Variants in PHACTR1 observed in about 807,000 individuals in gnomAD.
PHACTR1 encodes the protein phosphatase and actin regulator 1.
PHACTR1 carries 16 observed loss-of-function variants against 69.2 expected under a neutral mutation model. The observed-to-expected ratio is 0.23, with a 90% CI of 0.16 to 0.35. PHACTR1 has a LOEUF of 0.35. PHACTR1 is among the 10% of genes least tolerant of loss of function. The probability of loss-of-function intolerance (pLI) is 1.00; values close to 1 mark genes in which losing one functional copy is unlikely to be tolerated. For synonymous variants in PHACTR1, 312 were observed against 284.5 expected (o/e 1.10, Z -0.97); for missense variants, 510 against 734.7 (o/e 0.69, Z 3.54).
intron 6 of PHACTR1, among the ~76,000 whole-genome samples, chr6:13,178,734 G>C (rs1451177712): frequency 6.6e-6 from 1 of 152,192 alleles, no homozygotes; most frequent in African/African-American, 2.4e-5. Flanking sequence ...CATTATCACA[G>C]ATGACTTTAG....
intron 8 of PHACTR1, among the ~76,000 whole-genome samples, chr6:13,218,621 A>AC (rs887995130): frequency 1.3e-5 from 2 of 152,034 alleles, no homozygotes; most frequent in East Asian, 3.9e-4. Context: ...GGAGTTTGAG[A>AC]CCAGTCTGGC....
chr6:12,938,988 G>T (rs982749568), intron 4 of PHACTR1, among the ~76,000 whole-genome samples: 2 of 152,114 alleles, frequency 1.3e-5, no homozygotes, highest in Non-Finnish European at 2.9e-5. Flanking sequence ...TCCAGTTTTT[G>T]ACTATTACAA....
chr6:13,098,140 G>A (rs1177570106), intron 5 of PHACTR1, among the ~76,000 whole-genome samples: 2 of 152,122 alleles, frequency 1.3e-5, no homozygotes, highest in African/African-American at 2.4e-5. Flanking sequence ...CTGGCTACTA[G>A]TAGTTTCACC....
At chr6:13,187,691 G>A (rs370272855) in intron 7 of PHACTR1, among the ~76,000 whole-genome samples, 92 of 152,316 alleles carry the variant, frequency 6.0e-4, no homozygotes, top group African/African-American at 2.2e-3. Flanking sequence ...ACCAAGGCTA[G>A]CTCTAGGCCA....
chr6:12,970,479 G>A (rs570429205), intron 4 of PHACTR1, among the ~76,000 whole-genome samples: 2 of 152,202 alleles, frequency 1.3e-5, no homozygotes, highest in South Asian at 2.1e-4. Flanking sequence ...CCACCAAAAA[G>A]CCATTCTTGG....
intron 4 of PHACTR1, among the ~76,000 whole-genome samples, chr6:13,008,520 A>C (rs1799079880): frequency 6.6e-6 from 1 of 152,222 alleles, no homozygotes. Context: ...ATCAAATATG[A>C]GACAGCCTGG....
chr6:12,755,831 C>G (rs1297999209), intron 4 of PHACTR1, among the ~76,000 whole-genome samples: 3 of 152,108 alleles, frequency 2.0e-5, no homozygotes, highest in African/African-American at 7.2e-5. Flanking sequence ...TTCCCCTTTA[C>G]CCTTTTAGAT....
chr6:12,939,672 C>A (rs1394868578), intron 4 of PHACTR1, among the ~76,000 whole-genome samples: 2 of 152,066 alleles, frequency 1.3e-5, no homozygotes, highest in African/African-American at 4.8e-5. Context: ...CTGCAAGCAA[C>A]CTAAGTGAGC....
intron 4 of PHACTR1, among the ~76,000 whole-genome samples, chr6:13,003,431 A>G (rs1203560266): frequency 6.6e-6 from 1 of 152,162 alleles, no homozygotes; most frequent in Admixed American, 6.5e-5. Context: ...TTGTTTCAGT[A>G]CTTTAAAAAT....
At chr6:12,812,801 T>C (rs1215698095) in intron 4 of PHACTR1, among the ~76,000 whole-genome samples, 1 of 152,218 alleles carries the variant, frequency 6.6e-6, no homozygotes, top group African/African-American at 2.4e-5. Context: ...GAGAGACTTA[T>C]TACAGAAATT....
At chr6:12,918,105 G>T (rs1787213416) in intron 4 of PHACTR1, among the ~76,000 whole-genome samples, 1 of 152,126 alleles carries the variant, frequency 6.6e-6, no homozygotes, top group African/African-American at 2.4e-5. Context: ...GTTATTCCCA[G>T]GCAAACAAAA....
At chr6:13,265,276 C>G (rs919696557) in intron 10 of PHACTR1, among the ~76,000 whole-genome samples, 1 of 152,110 alleles carries the variant, frequency 6.6e-6, no homozygotes, top group Admixed American at 6.5e-5. Context: ...TTTTTTCAGG[C>G]CTCATCTAAC....
intron 4 of PHACTR1, among the ~76,000 whole-genome samples, chr6:13,004,444 G>A (rs577315269): frequency 6.6e-6 from 1 of 152,156 alleles, no homozygotes; most frequent in East Asian, 1.9e-4. Context: ...GTCTGTTTGT[G>A]TCCTTTGCCC....
At chr6:12,731,261 G>A (rs1279572728) in intron 3 of PHACTR1, among the ~76,000 whole-genome samples, 5 of 152,158 alleles carry the variant, frequency 3.3e-5, no homozygotes, top group Admixed American at 6.6e-5. Flanking sequence ...TGATCCACCC[G>A]CCTTGGCTTC....
chr6:13,012,094 T>G (rs537086804), intron 4 of PHACTR1, among the ~76,000 whole-genome samples: 26 of 152,342 alleles, frequency 1.7e-4, no homozygotes, highest in Middle Eastern at 3.4e-3. Flanking sequence ...ACCTGCATTC[T>G]ACATCCATCC....
chr6:12,937,243 C>A (rs962523150), intron 4 of PHACTR1, among the ~76,000 whole-genome samples: 1 of 152,124 alleles, frequency 6.6e-6, no homozygotes, highest in African/African-American at 2.4e-5. Flanking sequence ...CAGAACCACA[C>A]AAAGACAATA....
At chr6:12,925,234 C>G (rs1788145090) in intron 4 of PHACTR1, among the ~76,000 whole-genome samples, 2 of 152,146 alleles carry the variant, frequency 1.3e-5, no homozygotes, top group South Asian at 4.1e-4. Flanking sequence ...GAGGGCTCAA[C>G]TGACTTGTTG....
intron 4 of PHACTR1, chr6:12,934,064 G>A (rs1483634179): frequency 5.2e-6 from 7 of 1,333,726 alleles, no homozygotes; most frequent in Non-Finnish European, 7.0e-6. Context: ...TGTTGGTGGG[G>A]CCACGGTCCT....
chr6:13,100,165 A>G (rs1004608555), intron 5 of PHACTR1, among the ~76,000 whole-genome samples: 1 of 152,196 alleles, frequency 6.6e-6, no homozygotes, highest in Non-Finnish European at 1.5e-5. Flanking sequence ...AAGCAAAAGA[A>G]CATACAAATT....
Sources: gnomAD v4.1 joint callset for allele counts (sites outside exome capture counted in the v4.1 genomes callset) on GRCh38, gnomAD v4.1.1 for gene constraint, MANE v1.5 for transcripts, NCBI Gene and HGNC (gene_info 2026-07-23, HGNC 2026-07-21) for gene names.